Variants in SYT16 observed in about 807,000 individuals in gnomAD.
SYT16 encodes synaptotagmin-16.
Under a neutral mutation model 61.4 loss-of-function variants are expected in SYT16, and 42 were observed. The ratio of observed to expected loss-of-function variants is 0.68; its 90% CI spans 0.53 to 0.89. The LOEUF is 0.89. SYT16 is among the 40% of genes least tolerant of loss of function. The pLI is 0.00. For synonymous variants in SYT16, 314 were observed against 302.3 expected (o/e 1.04, Z -0.40); for missense variants, 804 against 807.3 (o/e 1.00, Z 0.05).
At chr14:61,838,216 T>G (rs938966530) in intron 1 of SYT16, among the ~76,000 whole-genome samples, 2 of 152,192 alleles carry the variant, frequency 1.3e-5, no homozygotes, top group Non-Finnish European at 2.9e-5. Context: ...ACTACCTGAC[T>G]GGTGGGAAAA....
At chr14:62,054,934 C>CTTTTTCA (rs954253968) in intron 3 of SYT16, among the ~76,000 whole-genome samples, 10 of 152,136 alleles carry the variant, frequency 6.6e-5, no homozygotes, top group Admixed American at 3.9e-4. Flanking sequence ...CATTCATGAT[C>CTTTTTCA]TTTTTCAGCC....
chr14:61,994,146 CT>C (rs1418814148), intron 2 of SYT16, among the ~76,000 whole-genome samples: 2 of 152,130 alleles, frequency 1.3e-5, no homozygotes, highest in African/African-American at 4.8e-5. Context: ...AGACCAAAAG[CT>C]AACGGAGTTT....
At chr14:61,897,072 G>A (rs2048350414) in intron 1 of SYT16, among the ~76,000 whole-genome samples, 1 of 152,206 alleles carries the variant, frequency 6.6e-6, no homozygotes, top group Non-Finnish European at 1.5e-5. Context: ...AATATTTCAT[G>A]TGAACATTAT....
intron 7 of SYT16, among the ~76,000 whole-genome samples, chr14:62,097,088 C>T (rs975852891): frequency 7.9e-5 from 12 of 152,004 alleles, no homozygotes; most frequent in Non-Finnish European, 1.2e-4. Context: ...TGTTTAACTA[C>T]GGGGTACCAT....
At chr14:61,872,008 C>G (rs538188680) in intron 1 of SYT16, among the ~76,000 whole-genome samples, 1 of 151,962 alleles carries the variant, frequency 6.6e-6, no homozygotes, top group Non-Finnish European at 1.5e-5. Context: ...GGTAATTGTA[C>G]CTTCCTTGCA....
intron 2 of SYT16, among the ~76,000 whole-genome samples, chr14:61,971,732 G>A (rs914327924): frequency 3.3e-5 from 5 of 152,262 alleles, no homozygotes; most frequent in Non-Finnish European, 7.3e-5. Flanking sequence ...TGGGAGAGGT[G>A]TAAATTGCAG....
chr14:61,868,213 A>G (rs2047221509), intron 1 of SYT16, among the ~76,000 whole-genome samples: 1 of 151,858 alleles, frequency 6.6e-6, no homozygotes, highest in Admixed American at 6.6e-5. Context: ...CTTTTCTGAG[A>G]ATGGTGTCTT....
intron 7 of SYT16, among the ~76,000 whole-genome samples, chr14:62,096,930 ATAAAT>A (rs540324733): frequency 9.3e-4 from 141 of 152,250 alleles, no homozygotes; most frequent in African/African-American, 3.0e-3. Flanking sequence ...ATACATATTA[ATAAAT>A]TAAAAGGGAA....
chr14:61,846,598 C>CT (rs2046452811), intron 1 of SYT16, among the ~76,000 whole-genome samples: 1 of 152,052 alleles, frequency 6.6e-6, no homozygotes, highest in African/African-American at 2.4e-5. Context: ...CTGGGTCTTG[C>CT]TTTTTCATCC....
intron 1 of SYT16, among the ~76,000 whole-genome samples, chr14:61,855,714 C>T (rs1394082597): frequency 6.6e-6 from 1 of 152,126 alleles, no homozygotes; most frequent in African/African-American, 2.4e-5. Flanking sequence ...CTACTAGAAA[C>T]TATTATAAAA....
intron 2 of SYT16, among the ~76,000 whole-genome samples, chr14:61,976,060 A>C (rs1298448636): frequency 1.3e-5 from 2 of 152,222 alleles, no homozygotes; most frequent in African/African-American, 4.8e-5. Context: ...GGCCAAAACA[A>C]AGGGGCTACA....
chr14:61,942,644 T>C (rs376131139), intron 1 of SYT16, among the ~76,000 whole-genome samples: 3 of 152,156 alleles, frequency 2.0e-5, no homozygotes, highest in African/African-American at 7.2e-5. Context: ...TGGTTTTGAA[T>C]TGATATTTTA....
At chr14:61,821,204 A>G (rs2140216474) in intron 1 of SYT16, among the ~76,000 whole-genome samples, 1 of 134,756 alleles carries the variant, frequency 7.4e-6, no homozygotes, top group Non-Finnish European at 1.7e-5. Context: ...CTTAACCCCT[A>G]TCATCCTATT....
intron 3 of SYT16, among the ~76,000 whole-genome samples, chr14:62,034,055 T>C (rs1261227551): frequency 1.3e-5 from 2 of 152,152 alleles, no homozygotes; most frequent in East Asian, 3.8e-4. Context: ...AATATGTCTA[T>C]TTTTCTAAAG....
At chr14:61,936,838 T>G (rs778829070) in intron 1 of SYT16, among the ~76,000 whole-genome samples, 13 of 152,204 alleles carry the variant, frequency 8.5e-5, no homozygotes, top group Non-Finnish European at 1.6e-4. Flanking sequence ...GCCTGACATG[T>G]TCCCTTCCTT....
intron 1 of SYT16, among the ~76,000 whole-genome samples, chr14:61,858,531 A>G (rs185324335): frequency 2.0e-5 from 3 of 152,338 alleles, no homozygotes; most frequent in Non-Finnish European, 2.9e-5. Context: ...TGAGGTAGAT[A>G]AAATAAAGCT....
At chr14:61,966,584 C>G (rs779970331) in intron 1 of SYT16, among the ~76,000 whole-genome samples, 1 of 152,106 alleles carries the variant, frequency 6.6e-6, no homozygotes, top group Non-Finnish European at 1.5e-5. Flanking sequence ...AAAGGAAGCA[C>G]ACAAAATCTT....
intron 1 of SYT16, among the ~76,000 whole-genome samples, chr14:61,835,061 G>A (rs1350550180): frequency 1.3e-5 from 2 of 152,102 alleles, no homozygotes; most frequent in East Asian, 3.9e-4. Context: ...AAGAGAAATT[G>A]TTGCATTGTT....
intron 1 of SYT16, among the ~76,000 whole-genome samples, chr14:61,835,567 T>C (rs1439916160): frequency 6.7e-6 from 1 of 149,048 alleles, no homozygotes; most frequent in African/African-American, 2.6e-5. Flanking sequence ...CAGGTGACTT[T>C]TTTTTTTTAT....
Sources: allele counts gnomAD v4.1 joint callset (sites outside exome capture counted in the v4.1 genomes callset), GRCh38; gene constraint gnomAD v4.1.1; transcripts MANE v1.5; gene names NCBI Gene and HGNC (gene_info 2026-07-23, HGNC 2026-07-21).